The following GPC5 variants were observed in gnomAD, a reference collection of about 807,000 sequenced individuals.
GPC5 encodes the protein glypican 5.
Under a neutral mutation model 53.9 loss-of-function variants are expected in GPC5, and 47 were observed. The observed-to-expected ratio is 0.87, with a 90% CI of 0.69 to 1.11. The LOEUF (loss-of-function observed/expected upper bound fraction) is 1.11, where lower values mean the gene tolerates loss of function less well. Ranked by LOEUF, GPC5 falls within the 50% of genes most tolerant of loss-of-function variation. GPC5 has a pLI of 0.00. For missense variants in GPC5, 748 were observed against 713.1 expected, an observed-to-expected ratio of 1.05 and a Z score of -0.56; for synonymous variants, 286 against 263.3, an observed-to-expected ratio of 1.09 and a Z score of -0.84.
intron 7 of GPC5, among the ~76,000 whole-genome samples, chr13:92,483,617 T>G (rs539377684): frequency 6.6e-5 from 10 of 152,058 alleles, no homozygotes; most frequent in Middle Eastern, 3.4e-3. Context: ...CAACAATTAT[T>G]AAAAATATTT....
intron 7 of GPC5, among the ~76,000 whole-genome samples, chr13:92,347,306 C>G (rs919727744): frequency 6.6e-6 from 1 of 152,114 alleles, no homozygotes; most frequent in Admixed American, 6.6e-5. Flanking sequence ...ATAAGAAACT[C>G]ATCACATACA....
chr13:91,477,612 A>G (rs1883004729), intron 2 of GPC5, among the ~76,000 whole-genome samples: 1 of 152,204 alleles, frequency 6.6e-6, no homozygotes, highest in African/African-American at 2.4e-5. Flanking sequence ...CTTTTCAGGT[A>G]AAACTGTCTA....
chr13:92,241,796 A>G lies in GPC5; in HGVS notation c.1561+96807A>G, dbSNP rs2042613525. 11 of 152,302 alleles carry G rather than the reference A, an allele frequency of 7.2e-5. No homozygotes were observed. In the South Asian group the frequency reaches 2.3e-3, roughly 32 times the overall value. The allele number at this position is 152,302 out of a possible 1,614,324, so 9.4% of individuals were successfully genotyped here. A position where few individuals can be genotyped will look rare whatever the true frequency, so the allele number is the denominator to read the frequency against. ...GAAAATATTCTTAGGCAAGTACTCT[A>G]TTTGAGTTTTAGTATACAATTTCTA... On this transcript the variant is annotated intron_variant, in intron 7 of 7. Coordinates refer to ENST00000377067, the MANE Select transcript of GPC5 (RefSeq NM_004466.6).
chr13:91,604,539 CA>C (rs1477507365), intron 2 of GPC5, among the ~76,000 whole-genome samples: 1 of 142,182 alleles, frequency 7.0e-6, no homozygotes, highest in African/African-American at 2.6e-5. Flanking sequence ...CTGACTTCCA[CA>C]ATGGTTGAAC....
chr13:92,116,966 A>G (rs959713149), intron 6 of GPC5, among the ~76,000 whole-genome samples: 6 of 152,130 alleles, frequency 3.9e-5, no homozygotes, highest in Non-Finnish European at 5.9e-5. Flanking sequence ...GTGATTTGCA[A>G]ATATTTTTTC....
At chr13:92,129,390 G>A (rs1011235448) in intron 6 of GPC5, among the ~76,000 whole-genome samples, 3 of 152,084 alleles carry the variant, frequency 2.0e-5, no homozygotes, top group Non-Finnish European at 4.4e-5. Flanking sequence ...AGAAAAGTGG[G>A]AATACATTCT....
chr13:92,718,813 G>A (rs1346631229), intron 7 of GPC5, among the ~76,000 whole-genome samples: 5 of 150,736 alleles, frequency 3.3e-5, no homozygotes, highest in Admixed American at 2.0e-4. Flanking sequence ...AATTGCCTCT[G>A]CCTTGAGGCA....
intron 6 of GPC5, among the ~76,000 whole-genome samples, chr13:91,990,920 C>G (rs1003490052): frequency 2.0e-5 from 3 of 152,180 alleles, no homozygotes; most frequent in African/African-American, 7.2e-5. Context: ...AGATCTCCCC[C>G]AAGTGTAGTT....
chr13:92,448,662 C>T (rs1566595065), intron 7 of GPC5: 1 of 151,894 alleles, frequency 6.6e-6, no homozygotes, highest in Non-Finnish European at 1.5e-5. Context: ...TTGGACTCAG[C>T]ATAATCAGTA....
At chr13:92,146,551 T>A (rs1160372700) in intron 7 of GPC5, among the ~76,000 whole-genome samples, 1 of 152,128 alleles carries the variant, frequency 6.6e-6, no homozygotes, top group African/African-American at 2.4e-5. Context: ...AAACAGGTAA[T>A]GTTTGGTTAC....
At chr13:91,843,730 A>G (rs1320310520) in intron 5 of GPC5, among the ~76,000 whole-genome samples, 1 of 152,174 alleles carries the variant, frequency 6.6e-6, no homozygotes, top group African/African-American at 2.4e-5. Flanking sequence ...AGGAAGGGAG[A>G]TACCTTTGGA....
intron 2 of GPC5, among the ~76,000 whole-genome samples, chr13:91,638,437 C>T (rs2034338005): frequency 1.3e-5 from 2 of 151,892 alleles, no homozygotes; most frequent in Non-Finnish European, 2.9e-5. Context: ...GTGACCTCAC[C>T]TCACTGCAAA....
chr13:92,598,762 A>G lies in GPC5; in HGVS notation c.1562-267520A>G, dbSNP rs141474057. On this transcript the variant is annotated intron_variant, in intron 7 of 7. Transcript: ENST00000377067. ...CCAGGAAAGACTTTAAACGCCTGTAATCTCAGCACTTTGGGAGGCTGAGGC... is the reference window on the plus strand; with the variant it reads ...CCAGGAAAGACTTTAAACGCCTGTAGTCTCAGCACTTTGGGAGGCTGAGGC... Among the ~76,000 whole-genome samples the G allele has an allele frequency of 3.2e-3, 487 of 152,290 alleles. 5 individuals carry two copies. The highest frequency in any genetic ancestry group is 0.012 in the African/African-American group (478 of 41,562).
intron 6 of GPC5, among the ~76,000 whole-genome samples, chr13:92,093,003 A>G (rs2138899234): frequency 6.6e-6 from 1 of 152,282 alleles, no homozygotes; most frequent in Non-Finnish European, 1.5e-5. Context: ...ATTTTCATGG[A>G]CAGGAATTAT....
chr13:92,605,726 A>G (rs1328662803), intron 7 of GPC5, among the ~76,000 whole-genome samples: 1 of 152,062 alleles, frequency 6.6e-6, no homozygotes, highest in East Asian at 1.9e-4. Flanking sequence ...AGTAGCTGGG[A>G]CTACAGGCGC....
At chr13:92,377,030 A>G (rs1043186173) in intron 7 of GPC5, among the ~76,000 whole-genome samples, 2 of 151,732 alleles carry the variant, frequency 1.3e-5, no homozygotes, top group Non-Finnish European at 2.9e-5. Flanking sequence ...AAAAAAAAAA[A>G]GAAAAGAAAC....
At chr13:92,574,579 T>C (rs1425951356) in intron 7 of GPC5, among the ~76,000 whole-genome samples, 2 of 152,196 alleles carry the variant, frequency 1.3e-5, no homozygotes, top group Non-Finnish European at 2.9e-5. Context: ...GATTCTCTAT[T>C]TATATTCATG....
At chr13:92,108,704 C>T (rs2041528853) in intron 6 of GPC5, among the ~76,000 whole-genome samples, 1 of 152,172 alleles carries the variant, frequency 6.6e-6, no homozygotes, top group Non-Finnish European at 1.5e-5. Flanking sequence ...GTAGTAAATA[C>T]TCAACTAAAT....
chr13:92,530,658 G>A (rs1397806215), intron 7 of GPC5, among the ~76,000 whole-genome samples: 1 of 152,004 alleles, frequency 6.6e-6, no homozygotes, highest in South Asian at 2.1e-4. Context: ...TAACATTCAA[G>A]GTTTCCAATT....
Sources: gnomAD v4.1 joint callset for allele counts (sites outside exome capture counted in the v4.1 genomes callset) on GRCh38, gnomAD v4.1.1 for gene constraint, MANE v1.5 for transcripts, NCBI Gene and HGNC (gene_info 2026-07-23, HGNC 2026-07-21) for gene names.